PSMG4: variants seen among roughly 807,000 people sequenced by gnomAD.
PSMG4 encodes the protein proteasome (prosome, macropain) assembly chaperone 4.
PSMG4 carries 10 observed loss-of-function variants against 11.0 expected under a neutral mutation model. That is an observed-to-expected ratio of 0.91 (90% CI 0.56 to 1.54). The LOEUF is 1.54. PSMG4 is among the 40% of genes most tolerant of loss of function. The pLI is 0.00. For missense variants in PSMG4, 198 were observed against 160.9 expected (o/e 1.23, Z -1.25); for synonymous variants, 95 against 71.3 (o/e 1.33, Z -1.68).
At chr6:3,262,959 ACTAG>A (rs1337272802) in intron 1 of PSMG4, among the ~76,000 whole-genome samples, 1 of 152,026 alleles carries the variant, frequency 6.6e-6, no homozygotes, top group Non-Finnish European at 1.5e-5. Context: ...GGATTCTGGG[ACTAG>A]CTAGACATTG....
rs1045924845 is a variant in PSMG4, at chr6:3,259,134, T to A, written c.112T>A (p.Phe38Ile). The A allele has an allele frequency of 2.2e-5, 29 of 1,296,396 alleles. No homozygotes were observed. The highest frequency in any genetic ancestry group is 3.1e-5 in the African/African-American group (2 of 64,772). The allele number at this position is 1,296,396 out of a possible 1,614,324, so 80.3% of individuals were successfully genotyped here. Reference protein sequence around the residue: ...FHVMRLTDSLFLWVGATPHLR... With the variant: ...FHVMRLTDSLILWVGATPHLR... ...CGTCATGCGGCTGACGGACTCGCTG[T>A]TCCTGTGGGTGGGGGCCACGCCGCA... Residue 38 changes from phenylalanine to isoleucine, a missense_variant, in exon 1 of 3, where the codon TTC (phenylalanine) becomes ATC (isoleucine). Physicochemically the swap from Phe to Ile is conservative, Grantham distance 21 (BLOSUM62 0). Transcript: ENST00000438998.
upstream of PSMG4, among the ~76,000 whole-genome samples, chr6:3,256,201 C>T (rs190543645): frequency 6.2e-4 from 95 of 152,298 alleles, no homozygotes; most frequent in African/African-American, 2.2e-3. Flanking sequence ...TAGAAGCTTC[C>T]ACTTGGTTTT....
chr6:3,256,699 T>G (rs1285637093), upstream of PSMG4, among the ~76,000 whole-genome samples: 1 of 152,172 alleles, frequency 6.6e-6, no homozygotes. Flanking sequence ...GTAGGCAGGG[T>G]GGGCTGACTC....
chr6:3,254,808 G>A (rs998394833), upstream of PSMG4, among the ~76,000 whole-genome samples: 9 of 152,164 alleles, frequency 5.9e-5, no homozygotes, highest in African/African-American at 1.7e-4. Flanking sequence ...AGAGCAACAA[G>A]ACACCAATTC....
rs748282706 is a variant in PSMG4 at position 3,264,135 on chromosome 6, G to A, written c.250+376G>A. On this transcript the variant is annotated intron_variant, in intron 2 of 2. Transcript: ENST00000438998. ...GGTAGCCTCCCGGGCCTTAGGAGGA[G>A]TCAGTGCAGCTGGTGGAGCAGGTGT... 1.2e-5 allele frequency: 18 copies of A among 1,538,912 alleles called. No individual in the cohort carries two copies. In the South Asian group the frequency reaches 2.1e-4, roughly 18 times the overall value.
At chr6:3,255,105 CACA>C (rs1757711028), upstream of PSMG4, 2 of 1,551,026 alleles carry the variant, frequency 1.3e-6, no homozygotes, top group East Asian at 2.4e-5. Flanking sequence ...TGCATAGGAG[CACA>C]ACATCACCAG....
upstream of PSMG4, among the ~76,000 whole-genome samples, chr6:3,255,526 G>A (rs149054842): frequency 6.6e-6 from 1 of 152,274 alleles, no homozygotes; most frequent in East Asian, 1.9e-4. Flanking sequence ...CACTGCCCAT[G>A]AGTCTGTATA....
intron 1 of PSMG4, among the ~76,000 whole-genome samples, chr6:3,260,281 A>G (rs1388214028): frequency 9.2e-5 from 3 of 32,558 alleles, no homozygotes; most frequent in Non-Finnish European, 1.0e-4. Flanking sequence ...TAAATTGTAT[A>G]TATATATATA....
chr6:3,259,140 T>C lies in PSMG4; in HGVS notation c.118T>C (p.Trp40Arg). The C allele has an allele frequency of 7.7e-7, 1 of 1,299,816 alleles. No individual in the cohort carries two copies. The highest frequency in any genetic ancestry group is 9.8e-7 in the Non-Finnish European group (1 of 1,023,618). 80.5% of individuals were successfully genotyped at this position (1,299,816 alleles called of 1,614,324 possible). A position where few individuals can be genotyped will look rare whatever the true frequency, so the allele number is the denominator to read the frequency against. The change falls in exon 1 of 3, where the codon TGG (tryptophan) becomes CGG (arginine). Residue 40 changes from tryptophan (W) to arginine (R), a missense_variant. Transcript: ENST00000438998. ...GCGGCTGACGGACTCGCTGTTCCTGTGGGTGGGGGCCACGCCGCACCTGCG... is the reference window on the plus strand; with the variant it reads ...GCGGCTGACGGACTCGCTGTTCCTGCGGGTGGGGGCCACGCCGCACCTGCG... ...VMRLTDSLFL[W>R]VGATPHLRNL... is the part of the protein sequence containing the mutation.
upstream of PSMG4, among the ~76,000 whole-genome samples, chr6:3,256,297 C>T (rs1442125922): frequency 1.3e-5 from 2 of 152,216 alleles, no homozygotes; most frequent in African/African-American, 2.4e-5. Context: ...CCCAGTTATA[C>T]ATTTGAGGAC....
chr6:3,266,657 C>G (rs1758192308), intron 2 of PSMG4: 1 of 152,048 alleles, frequency 6.6e-6, no homozygotes, highest in Non-Finnish European at 1.5e-5. Context: ...CAGCCATTTT[C>G]TATTGATTCT....
At chr6:3,255,062 C>G (rs763070710), upstream of PSMG4, 6 of 1,550,938 alleles carry the variant, frequency 3.9e-6, no homozygotes, top group East Asian at 7.3e-5. Context: ...AACAAACACA[C>G]TTGGAATATG....
intron 2 of PSMG4, chr6:3,264,405 G>T (rs1279376720): frequency 1.3e-6 from 2 of 1,495,624 alleles, no homozygotes; most frequent in African/African-American, 2.8e-5. Context: ...TCCTGCCCAG[G>T]CCTGGCGTTC....
At chr6:3,256,071 T>C (rs926361668), upstream of PSMG4, among the ~76,000 whole-genome samples, 2 of 152,202 alleles carry the variant, frequency 1.3e-5, no homozygotes, top group Non-Finnish European at 2.9e-5. Flanking sequence ...AATAGCAATA[T>C]GAAGTCTACC....
chr6:3,267,659 C>T lies in PSMG4; in HGVS notation c.319C>T (p.Leu107Phe). The T allele has an allele frequency of 5.2e-6, 8 of 1,552,192 alleles. No individual in the cohort carries two copies. Among genetic ancestry groups the T allele is most frequent in the Non-Finnish European group, 6.1e-6 (7 of 1,147,020 alleles). The change falls in exon 3 of 3, where the codon CTT becomes TTT. Residue 107 changes from leucine to phenylalanine, a missense_variant. Physicochemically the swap from Leu to Phe is conservative, Grantham distance 22. Transcript: ENST00000438998. ...GAACACAGACAGTAACTTCGCATTA[C>T]TTGTAGAAAACAGGATCAAGGAAGA... ...LQNTDSNFAL[L>F]VENRIKEEME...
upstream of PSMG4, among the ~76,000 whole-genome samples, chr6:3,256,308 C>T (rs993299853): frequency 3.9e-5 from 6 of 152,182 alleles, no homozygotes; most frequent in East Asian, 1.9e-4. Flanking sequence ...ATTTGAGGAC[C>T]AGGGAAATGA....
intron 1 of PSMG4, among the ~76,000 whole-genome samples, chr6:3,262,077 G>A (rs559019103): frequency 6.6e-6 from 1 of 152,308 alleles, no homozygotes; most frequent in East Asian, 1.9e-4. Flanking sequence ...TTGGTGCCCA[G>A]AGAGGCTGCA....
chr6:3,264,441 C>T (rs1758110118), intron 2 of PSMG4: 1 of 1,446,224 alleles, frequency 6.9e-7, no homozygotes, highest in Non-Finnish European at 9.1e-7. Flanking sequence ...TGCTTCTGCT[C>T]TGGAGTCTTC....
chr6:3,261,072 C>T (rs781684565), intron 1 of PSMG4, among the ~76,000 whole-genome samples: 4 of 152,076 alleles, frequency 2.6e-5, no homozygotes, highest in Admixed American at 2.0e-4. Context: ...TGAGTGAGGC[C>T]CCCTCAGCGA....
Sources: allele counts gnomAD v4.1 joint callset (sites outside exome capture counted in the v4.1 genomes callset), GRCh38; gene constraint gnomAD v4.1.1; transcripts MANE v1.5; gene names NCBI Gene and HGNC (gene_info 2026-07-23, HGNC 2026-07-21).